The following FARS2 variants were observed in gnomAD, a reference collection of about 807,000 sequenced individuals.
FARS2 encodes phenylalanyl-tRNA synthetase 2, mitochondrial, also known as phenylalanine--tRNA ligase, mitochondrial.
A neutral mutation model predicts 46.4 loss-of-function variants in FARS2; 40 were observed. That is an observed-to-expected ratio of 0.86 (90% CI 0.67 to 1.12). The LOEUF (loss-of-function observed/expected upper bound fraction) is 1.12. Among genes scored for constraint, FARS2 ranks in the 50% most tolerant of loss-of-function variants. The pLI is 0.00. For synonymous variants in FARS2, 234 were observed against 214.9 expected, an observed-to-expected ratio of 1.09 and a Z score of -0.78; for missense variants, 513 against 567.9, an observed-to-expected ratio of 0.90 and a Z score of 0.98.
chr6:5,546,538 C>T (rs1301749886), intron 5 of FARS2, among the ~76,000 whole-genome samples: 3 of 152,056 alleles, frequency 2.0e-5, no homozygotes, highest in South Asian at 2.1e-4. Context: ...GAGTGAGCCA[C>T]TGCGCCCAGC....
chr6:5,445,069 C>T (rs1238024944), intron 4 of FARS2, among the ~76,000 whole-genome samples: 8 of 152,074 alleles, frequency 5.3e-5, no homozygotes. Flanking sequence ...TAATAAAACC[C>T]ATAGAGGATT....
At chr6:5,542,159 C>G (rs1402836845) in intron 4 of FARS2, among the ~76,000 whole-genome samples, 2 of 151,690 alleles carry the variant, frequency 1.3e-5, no homozygotes, top group African/African-American at 4.9e-5. Flanking sequence ...GTGATACCAC[C>G]CCTGCTGACC....
intron 5 of FARS2, among the ~76,000 whole-genome samples, chr6:5,590,338 C>G (rs554492399): frequency 3.3e-5 from 5 of 152,200 alleles, no homozygotes; most frequent in South Asian, 4.1e-4. Flanking sequence ...ATGCCCAGCA[C>G]TATTCCTGGA....
chr6:5,588,199 T>C (rs1773721438), intron 5 of FARS2, among the ~76,000 whole-genome samples: 1 of 151,598 alleles, frequency 6.6e-6, no homozygotes, highest in African/African-American at 2.4e-5. Context: ...AATGTGCACA[T>C]GGGCCAAGCA....
intron 5 of FARS2, among the ~76,000 whole-genome samples, chr6:5,551,887 G>T (rs1771393533): frequency 6.6e-6 from 1 of 152,078 alleles, no homozygotes. Flanking sequence ...CTCTTCGAAG[G>T]ACTCTTCTGA....
chr6:5,545,123 T>G lies in FARS2; in HGVS notation c.905-57T>G. On this transcript the variant is annotated intron_variant, in intron 4 of 6. Coordinates refer to ENST00000274680, the MANE Select transcript of FARS2 (RefSeq NM_006567.5). ...CACTGATAACTGTCAGGGAGTGGTA[T>G]GAACCTATCCAATCTCGATACTTTT... 4.5e-6 allele frequency: 7 copies of G among 1,552,174 alleles called. No homozygotes were observed. The South Asian group carries it at 8.0e-5, about 18-fold the overall frequency.
intron 6 of FARS2, among the ~76,000 whole-genome samples, chr6:5,704,556 G>A (rs1275319454): frequency 1.3e-5 from 2 of 152,186 alleles, no homozygotes; most frequent in South Asian, 2.1e-4. Context: ...TCTCATTCAC[G>A]TGTCAATATA....
At chr6:5,518,217 C>G (rs1404268649) in intron 4 of FARS2, among the ~76,000 whole-genome samples, 2 of 152,140 alleles carry the variant, frequency 1.3e-5, no homozygotes, top group Non-Finnish European at 2.9e-5. Context: ...GTGGCTATAA[C>G]TGTGGTGATC....
In FARS2 at chr6:5,771,576, G is replaced by A. The variant is rs545011082; in HGVS notation, c.*147G>A. ...TTTCAGAAAATAAAAGATCGCTCTT[G>A]AAAAGCTGTTGACATAGCATTTGTC... On this transcript the variant is annotated 3_prime_UTR_variant, in exon 7 of 7. Coordinates refer to ENST00000274680, the MANE Select transcript of FARS2 (RefSeq NM_006567.5). 1 of 855,110 alleles carries A rather than the reference G, an allele frequency of 1.2e-6. No individual in the cohort carries two copies. Among genetic ancestry groups the A allele is most frequent in the Non-Finnish European group, 1.7e-6 (1 of 572,210 alleles). 53.0% of individuals were successfully genotyped at this position (855,110 alleles called of 1,614,324 possible).
intron 4 of FARS2, among the ~76,000 whole-genome samples, chr6:5,511,549 A>G (rs1228040938): frequency 6.6e-6 from 1 of 152,242 alleles, no homozygotes; most frequent in East Asian, 1.9e-4. Context: ...ATAAAAACAC[A>G]CAAGCAGACA....
At chr6:5,478,658 T>C (rs1231932491) in intron 4 of FARS2, among the ~76,000 whole-genome samples, 1 of 152,188 alleles carries the variant, frequency 6.6e-6, no homozygotes, top group East Asian at 1.9e-4. Flanking sequence ...AGTGCCCCTG[T>C]CTTGCAAGTG....
At chr6:5,467,536 A>G (rs1368542332) in intron 4 of FARS2, among the ~76,000 whole-genome samples, 2 of 152,182 alleles carry the variant, frequency 1.3e-5, no homozygotes, top group Admixed American at 1.3e-4. Context: ...ACGTTGCTAT[A>G]TCCTCTTCCT....
At chr6:5,294,107 G>C (rs1030414417) in intron 1 of FARS2, among the ~76,000 whole-genome samples, 1 of 152,190 alleles carries the variant, frequency 6.6e-6, no homozygotes, top group Non-Finnish European at 1.5e-5. Context: ...AAAGAGGTAT[G>C]TTTTATAGTT....
At chr6:5,628,316 G>C (rs1265695018) in intron 6 of FARS2, among the ~76,000 whole-genome samples, 2 of 152,186 alleles carry the variant, frequency 1.3e-5, no homozygotes, top group Non-Finnish European at 2.9e-5. Flanking sequence ...TCTGTACAGG[G>C]AAGGCAGAGA....
chr6:5,649,325 C>T (rs1236928227), intron 6 of FARS2, among the ~76,000 whole-genome samples: 4 of 152,088 alleles, frequency 2.6e-5, no homozygotes, highest in African/African-American at 7.2e-5. Flanking sequence ...CATTTATCTC[C>T]GGTATCCTTA....
At chr6:5,610,333 T>C in intron 5 of FARS2, 1 of 404,862 alleles carries the variant, frequency 2.5e-6, no homozygotes, top group Non-Finnish European at 4.3e-6. Flanking sequence ...AAAAGAATTA[T>C]AAAGAGGATC....
intron 3 of FARS2, among the ~76,000 whole-genome samples, chr6:5,419,525 G>A (rs1053023371): frequency 1.1e-4 from 16 of 152,014 alleles, no homozygotes; most frequent in African/African-American, 3.4e-4. Context: ...CCCATCCCCC[G>A]TCTCTTACTA....
intron 5 of FARS2, among the ~76,000 whole-genome samples, chr6:5,595,773 G>A (rs1774164888): frequency 6.6e-6 from 1 of 152,144 alleles, no homozygotes; most frequent in South Asian, 2.1e-4. Context: ...TACCGACGCT[G>A]ACACCTTTAA....
intron 6 of FARS2, among the ~76,000 whole-genome samples, chr6:5,638,293 A>T (rs147126007): frequency 6.6e-6 from 1 of 152,222 alleles, no homozygotes; most frequent in African/African-American, 2.4e-5. Context: ...GGCCGGGCGC[A>T]GTGGCTCACG....
Sources: allele counts gnomAD v4.1 joint callset (sites outside exome capture counted in the v4.1 genomes callset), GRCh38; gene constraint gnomAD v4.1.1; transcripts MANE v1.5; gene names NCBI Gene and HGNC (gene_info 2026-07-23, HGNC 2026-07-21).